The following GATM variants were observed in gnomAD, a reference collection of about 807,000 sequenced individuals.
GATM encodes the protein glycine amidinotransferase, also known as glycine amidinotransferase, mitochondrial.
Under a neutral mutation model 54.2 loss-of-function variants are expected in GATM, and 23 were observed. The observed-to-expected ratio is 0.42, with a 90% CI of 0.31 to 0.60. The LOEUF is 0.60. GATM is among the 20% of genes least tolerant of loss of function. GATM has a pLI of 0.14. For missense variants in GATM, 401 were observed against 544.9 expected (o/e 0.74, Z 2.63); for synonymous variants, 168 against 183.1 (o/e 0.92, Z 0.67).
In GATM at chr15:45,384,348, A is replaced by C. The variant is rs570487966; in HGVS notation, c.-318-7529T>G. On this transcript the variant is annotated intron_variant, in intron 3 of 4. Transcript: ENST00000561148. ...ACTGCATGGTAATGAGTCTTTGACA[A>C]ACTGAACTTATGTGGGTCAGCTAGA... Among the ~76,000 whole-genome samples the C allele has an allele frequency of 3.7e-4, 56 of 152,294 alleles. No individual in the cohort carries two copies. The South Asian group carries it at 0.011, about 29-fold the overall frequency.
chr15:45,364,456 C>G, intron 7 of GATM: 1 of 315,824 alleles, frequency 3.2e-6, no homozygotes, highest in Non-Finnish European at 5.9e-6. Flanking sequence ...ATCACTTGAG[C>G]CCAGGAGTCT....
chr15:45,394,224 C>A (rs1889902511), intron 3 of GATM, among the ~76,000 whole-genome samples: 1 of 152,184 alleles, frequency 6.6e-6, no homozygotes. Context: ...GAGTGTGAAT[C>A]TTACTATATA....
chr15:45,371,755 A>T (rs187099081), intron 2 of GATM, among the ~76,000 whole-genome samples: 1 of 152,362 alleles, frequency 6.6e-6, no homozygotes, highest in East Asian at 1.9e-4. Context: ...TGGTTTGAAC[A>T]CTTCTAACTA....
At chr15:45,365,910 G>C in intron 6 of GATM, 136 bp downstream of exon 6, 1 of 802,220 alleles carries the variant, frequency 1.2e-6, no homozygotes, top group Non-Finnish European at 2.1e-6. Flanking sequence ...TCCAATGTTT[G>C]ATCATAATAA....
intron 3 of GATM, among the ~76,000 whole-genome samples, chr15:45,390,404 CTCTAA>C (rs965628317): frequency 6.6e-6 from 1 of 152,162 alleles, no homozygotes; most frequent in Non-Finnish European, 1.5e-5. Context: ...AAACACATTC[CTCTAA>C]TAGAAACCAA....
At chr15:45,379,336 T>C (rs1428623467), upstream of GATM, 1 of 152,254 alleles carries the variant, frequency 6.6e-6, no homozygotes, top group Non-Finnish European at 1.5e-5. Flanking sequence ...TTAACATTTA[T>C]GCTCCTAGCA....
At chr15:45,378,726 G>A (rs1014926211), upstream of GATM, 10 of 360,524 alleles carry the variant, frequency 2.8e-5, no homozygotes, top group Non-Finnish European at 5.0e-5. Context: ...TAGCCAGCGG[G>A]GCCACTGACG....
chr15:45,378,594 C>T, upstream of GATM: 1 of 583,262 alleles, frequency 1.7e-6, no homozygotes, highest in Non-Finnish European at 2.7e-6. Context: ...TCCGCCCCGG[C>T]CGCCCCCCGC....
chr15:45,368,449 AGAATAC>A lies in GATM; in HGVS notation c.485-195_485-190del, dbSNP rs1889484989. Reference sequence around the variant, plus strand: ...ATGGTCAAGCCCCATCTCTACTAAAAGAATACGAAAACAATTAGCCAGGCATGGTGG... The same window carrying A: ...ATGGTCAAGCCCCATCTCTACTAAAAGAAAACAATTAGCCAGGCATGGTGG... On this transcript the variant is annotated intron_variant, in intron 3 of 8. Coordinates refer to ENST00000396659, the MANE Select transcript of GATM (RefSeq NM_001482.3). The surrounding 1 kb of genome is among the most constrained non-coding windows in gnomAD (Gnocchi z 5.1). Among the ~76,000 whole-genome samples the A allele has an allele frequency of 6.6e-6, 1 of 152,058 alleles. No individual in the cohort carries two copies. The highest frequency in any genetic ancestry group is 2.4e-5 in the African/African-American group (1 of 41,386).
At chr15:45,385,361 A>G (rs966152302) in intron 3 of GATM, among the ~76,000 whole-genome samples, 2 of 152,204 alleles carry the variant, frequency 1.3e-5, no homozygotes, top group African/African-American at 4.8e-5. Context: ...AAAAAATGCT[A>G]TAAGAAACAG....
chr15:45,379,192 G>A (rs976375836), upstream of GATM: 1 of 152,172 alleles, frequency 6.6e-6, no homozygotes, highest in African/African-American at 2.4e-5. Flanking sequence ...AAGGGAGGAC[G>A]ACAGTTTCGT....
chr15:45,364,738 A>G (rs1889421144), intron 7 of GATM, 59 bp downstream of exon 7: 10 of 1,479,308 alleles, frequency 6.8e-6, no homozygotes, highest in South Asian at 1.1e-5. Context: ...CTATAGGAGA[A>G]AGATCCTTGG....
chr15:45,381,832 G>A (rs1239790907), upstream of GATM, among the ~76,000 whole-genome samples: 1 of 152,202 alleles, frequency 6.6e-6, no homozygotes, highest in African/African-American at 2.4e-5. Context: ...CTCATGCCTG[G>A]AATGTAAATA....
At chr15:45,364,767 T>C (rs750713078) in intron 7 of GATM, 30 bp downstream of exon 7, 13 of 1,582,284 alleles carry the variant, frequency 8.2e-6, no homozygotes, top group Middle Eastern at 1.7e-4. Flanking sequence ...GTAATTATTT[T>C]AGTCTAACAG....
At chr15:45,362,242 G>A (rs370362630) in intron 8 of GATM, 21 bp from the exon 9 acceptor site, 1 of 1,428,216 alleles carries the variant, frequency 7.0e-7, no homozygotes, top group African/African-American at 1.4e-5. Flanking sequence ...AGAGAGATGA[G>A]GTCAGTTAGA....
chr15:45,376,915 T>C, intron 1 of GATM, 96 bp from the exon 2 acceptor site: 1 of 1,155,682 alleles, frequency 8.7e-7, no homozygotes, highest in Non-Finnish European at 1.3e-6. Flanking sequence ...CAGCATAACA[T>C]TGCCACTTAA....
At chr15:45,388,271 TTCTA>T (rs1889827950) in intron 3 of GATM, among the ~76,000 whole-genome samples, 2 of 152,238 alleles carry the variant, frequency 1.3e-5, no homozygotes, top group East Asian at 1.9e-4. Flanking sequence ...AAATTTTGTT[TTCTA>T]TCTGTTTTTG....
chr15:45,366,428 G>A lies in GATM; in HGVS notation c.756C>T (p.Cys252=), dbSNP rs761016596. ...CTCGAATGAAGTCAGCAGCATCAAA[G>A]CATGGCTCAAACTCAGTTGTCACAA... ...GKFVTTEFEP[C]FDAADFIRAG... is the part of the protein sequence containing the mutation. Residue 252 remains cysteine (C), a synonymous_variant, in exon 5 of 9, where the codon TGC becomes TGT. Transcript: ENST00000396659. 15 of 1,614,042 alleles carry A rather than the reference G, an allele frequency of 9.3e-6. No homozygotes were observed. Among genetic ancestry groups the A allele is most frequent in the Non-Finnish European group, 1.2e-5 (14 of 1,180,024 alleles).
chr15:45,379,046 C>A (rs1290890184), upstream of GATM: 1 of 152,048 alleles, frequency 6.6e-6, no homozygotes, highest in African/African-American at 2.4e-5. Flanking sequence ...CCATTTGTTC[C>A]CCGGGGAGGC....
Sources: allele counts gnomAD v4.1 joint callset (sites outside exome capture counted in the v4.1 genomes callset), GRCh38; gene constraint gnomAD v4.1.1; non-coding constraint Gnocchi (gnomAD v3.1); transcripts MANE v1.5; gene names NCBI Gene and HGNC (gene_info 2026-07-23, HGNC 2026-07-21).